Variants in CCDC3 observed in about 807,000 individuals in gnomAD.
CCDC3 encodes the protein coiled-coil domain containing 3, also known as coiled-coil domain-containing protein 3.
In CCDC3, 24 loss-of-function variants were observed where a neutral mutation model predicts 21.4. The ratio of observed to expected loss-of-function variants is 1.12; its 90% CI spans 0.81 to 1.58. The LOEUF is 1.58. Ranked by LOEUF, CCDC3 falls within the 40% of genes most tolerant of loss-of-function variation. The probability of loss-of-function intolerance (pLI) is 0.00; values close to 1 mark genes in which losing one functional copy is unlikely to be tolerated. For missense variants in CCDC3, 425 were observed against 360.9 expected, an observed-to-expected ratio of 1.18 and a Z score of -1.44; for synonymous variants, 186 against 166.0, an observed-to-expected ratio of 1.12 and a Z score of -0.93.
At chr10:12,936,883 C>T (rs1834747674) in intron 2 of CCDC3, among the ~76,000 whole-genome samples, 1 of 152,216 alleles carries the variant, frequency 6.6e-6, no homozygotes, top group Non-Finnish European at 1.5e-5. Flanking sequence ...TGTCAGTAAC[C>T]ACTGCACTCC....
At chr10:13,014,075 C>G (rs376977084) in intron 5 of CCDC3, among the ~76,000 whole-genome samples, 3 of 151,850 alleles carry the variant, frequency 2.0e-5, no homozygotes, top group East Asian at 3.9e-4. Flanking sequence ...CACTTGAACC[C>G]GGGAGGTAGA....
chr10:12,905,904 G>A (rs1033885105), intron 2 of CCDC3, among the ~76,000 whole-genome samples: 5 of 152,180 alleles, frequency 3.3e-5, no homozygotes, highest in Non-Finnish European at 5.9e-5. Flanking sequence ...TTCTGGCCCC[G>A]TAGAGGGCAG....
At chr10:12,979,315 G>A (rs1589028807) in intron 2 of CCDC3, among the ~76,000 whole-genome samples, 1 of 151,888 alleles carries the variant, frequency 6.6e-6, no homozygotes, top group Admixed American at 6.6e-5. Flanking sequence ...GTAAGTGCTC[G>A]CTGCCTGCCC....
intron 5 of CCDC3, among the ~76,000 whole-genome samples, chr10:13,031,866 A>G (rs898912400): frequency 2.0e-5 from 3 of 152,218 alleles, no homozygotes; most frequent in African/African-American, 7.2e-5. Context: ...ACCAATGAAA[A>G]AAAGTCCAGG....
chr10:12,994,414 A>C (rs1245438674), intron 2 of CCDC3, among the ~76,000 whole-genome samples: 22 of 131,312 alleles, frequency 1.7e-4, no homozygotes, highest in African/African-American at 5.8e-4. Flanking sequence ...AAAACAAAAC[A>C]AAAAAAAAAA....
chr10:13,091,223 A>G (rs1443840655), intron 3 of CCDC3, among the ~76,000 whole-genome samples: 1 of 152,142 alleles, frequency 6.6e-6, no homozygotes, highest in Admixed American at 6.5e-5. Flanking sequence ...CAACCCACTC[A>G]CAGACATACC....
chr10:12,957,639 T>C (rs1366171930), intron 2 of CCDC3, among the ~76,000 whole-genome samples: 1 of 152,138 alleles, frequency 6.6e-6, no homozygotes, highest in Non-Finnish European at 1.5e-5. Flanking sequence ...TAGTGAGAGT[T>C]CTCTCGAGAT....
rs61851334 is a variant in CCDC3, at chr10:12,926,202, A to G, written c.550-27523T>C. On this transcript the variant is annotated intron_variant, in intron 2 of 2. Transcript: ENST00000378825. ...TGGAGGACACAGGTGGAGTGTGAAG[A>G]CAGCTGGGATTTAGTGATAAAAGGC... Among the ~76,000 whole-genome samples the G allele has an allele frequency of 4.5e-3, 691 of 152,350 alleles. 3 individuals are homozygous for G. Among genetic ancestry groups the G allele is most frequent in the Middle Eastern group, 0.01 (3 of 294 alleles).
chr10:13,052,969 CACACACACACACACACAT>C (rs11275489), intron 4 of CCDC3, among the ~76,000 whole-genome samples: 21,350 of 128,658 alleles, frequency 0.17, 1,735 homozygotes, highest in Admixed American at 0.2. Flanking sequence ...CACACACACA[CACACACACACACACACAT>C]ACACACACAC....
rs1835184203 is a variant in CCDC3, at chr10:12,961,941, A to C, written c.549+36397T>G. On this transcript the variant is annotated intron_variant, in intron 2 of 2. Transcript: ENST00000378825. ...AATGTAAACCTCTGATAAGGAATAA[A>C]GGATTACTTGGACCCGTATATGCTA... 2.6e-5 allele frequency among the ~76,000 whole-genome samples: 4 copies of C among 152,342 alleles called. No individual in the cohort carries two copies. In the South Asian group the frequency reaches 6.2e-4, roughly 24 times the overall value.
intron 5 of CCDC3, among the ~76,000 whole-genome samples, chr10:13,027,758 C>T (rs1310161452): frequency 6.6e-6 from 1 of 151,702 alleles, no homozygotes; most frequent in Non-Finnish European, 1.5e-5. Context: ...CAGTACTTTC[C>T]GCACCTGAGC....
intron 2 of CCDC3, among the ~76,000 whole-genome samples, chr10:12,963,900 A>G (rs1835218343): frequency 6.6e-6 from 1 of 152,074 alleles, no homozygotes; most frequent in Non-Finnish European, 1.5e-5. Context: ...CAGTTTTCTT[A>G]AAGTTGCACT....
intron 5 of CCDC3, among the ~76,000 whole-genome samples, chr10:13,034,978 A>G (rs1250600880): frequency 2.0e-5 from 3 of 151,860 alleles, no homozygotes; most frequent in Non-Finnish European, 4.4e-5. Flanking sequence ...GTGAGCCAAG[A>G]TCACGCCATT....
At chr10:12,997,701 C>T (rs1835783356) in intron 2 of CCDC3, among the ~76,000 whole-genome samples, 1 of 152,198 alleles carries the variant, frequency 6.6e-6, no homozygotes, top group Non-Finnish European at 1.5e-5. Context: ...CAATCATACA[C>T]AGTCAGGAAC....
At chr10:13,091,477 C>A (rs1832570242) in intron 3 of CCDC3, among the ~76,000 whole-genome samples, 2 of 152,200 alleles carry the variant, frequency 1.3e-5, no homozygotes, top group Admixed American at 1.3e-4. Flanking sequence ...GTGCCTTGAT[C>A]TTGGACTTCC....
chr10:12,954,074 A>T (rs1413681107), intron 2 of CCDC3, among the ~76,000 whole-genome samples: 3 of 152,224 alleles, frequency 2.0e-5, no homozygotes, highest in African/African-American at 7.2e-5. Context: ...ACTACTAAAA[A>T]ATTTTAAAAA....
chr10:12,978,495 G>A (rs772300632), intron 2 of CCDC3, among the ~76,000 whole-genome samples: 27 of 152,094 alleles, frequency 1.8e-4, no homozygotes, highest in African/African-American at 3.4e-4. Flanking sequence ...TACATGACAC[G>A]GTCAAGGGAG....
intron 4 of CCDC3, among the ~76,000 whole-genome samples, chr10:13,071,857 C>CT (rs976613544): frequency 6.6e-5 from 10 of 151,264 alleles, no homozygotes; most frequent in South Asian, 2.1e-4. Flanking sequence ...CTTCTTTTTC[C>CT]TTTTTTTTTC....
intron 5 of CCDC3, among the ~76,000 whole-genome samples, chr10:13,025,918 C>A (rs530008730): frequency 2.7e-4 from 41 of 152,268 alleles, no homozygotes; most frequent in Non-Finnish European, 4.6e-4. Context: ...TGGTGGCTCA[C>A]GCCTGTAATC....
Sources: gnomAD v4.1 joint callset for allele counts (sites outside exome capture counted in the v4.1 genomes callset) on GRCh38, gnomAD v4.1.1 for gene constraint, MANE v1.5 for transcripts, NCBI Gene and HGNC (gene_info 2026-07-23, HGNC 2026-07-21) for gene names.